EFCAB6: variants seen among roughly 807,000 people sequenced by gnomAD.
The protein encoded by EFCAB6 is EF-hand calcium binding domain 6, also known as EF-hand calcium-binding domain-containing protein 6.
A neutral mutation model predicts 169.8 loss-of-function variants in EFCAB6; 156 were observed. That is an observed-to-expected ratio of 0.92 (90% confidence interval 0.81 to 1.05). EFCAB6 has a LOEUF of 1.05. EFCAB6 is among the 50% of genes least tolerant of loss of function. EFCAB6 has a pLI of 0.00. For missense variants in EFCAB6, 1,800 were observed against 1,829.1 expected, an observed-to-expected ratio of 0.98 and a Z score of 0.29; for synonymous variants, 698 against 676.4, an observed-to-expected ratio of 1.03 and a Z score of -0.50.
At chr22:43,600,408 A>ATCAGCCCCGCCTGTGGGCCAGCGGC (rs1569227312) in intron 22 of EFCAB6, 145 bp from the exon 23 acceptor site, 2 of 780,934 alleles carry the variant, frequency 2.6e-6, no homozygotes, top group African/African-American at 3.5e-5. Context: ...GGGCCAGCGG[A>ATCAGCCCCGCCTGTGGGCCAGCGGC]ATCAGCCCCG....
At chr22:43,734,486 T>C (rs1296039505) in intron 7 of EFCAB6, among the ~76,000 whole-genome samples, 1 of 152,172 alleles carries the variant, frequency 6.6e-6, no homozygotes, top group Non-Finnish European at 1.5e-5. Context: ...AAACAGACAG[T>C]AACATTTTTT....
intron 23 of EFCAB6, among the ~76,000 whole-genome samples, chr22:43,595,118 A>C (rs561344060): frequency 6.6e-6 from 1 of 152,150 alleles, no homozygotes; most frequent in Non-Finnish European, 1.5e-5. Context: ...TATGGGATGC[A>C]GCAAAAGCAG....
intron 10 of EFCAB6, among the ~76,000 whole-genome samples, chr22:43,689,315 C>T (rs1449823155): frequency 6.7e-6 from 1 of 149,444 alleles, no homozygotes; most frequent in South Asian, 2.1e-4. Context: ...GTGAGCCACG[C>T]GAGGGAGAGT....
Position 43,811,390 on chromosome 22 carries a change from GAGAAA to G in EFCAB6, c.-145+773_-145+777del, listed in dbSNP as rs889809710. On this transcript the variant is annotated intron_variant, in intron 1 of 31. Coordinates refer to ENST00000262726, the MANE Select transcript of EFCAB6 (RefSeq NM_022785.4). Reference sequence around the variant, plus strand: ...GGAAGGGAAGGGAGGGGAGGGGAGGGAGAAAAGAAAAGAAAAGAAAAAAGAAAAGA... The same window carrying G: ...GGAAGGGAAGGGAGGGGAGGGGAGGGAGAAAAGAAAAGAAAAAAGAAAAGA... 2.7e-4 allele frequency among the ~76,000 whole-genome samples: 36 copies of G among 132,160 alleles called. No individual in the cohort carries two copies. The East Asian group carries it at 8.0e-3, about 29-fold the overall frequency. 86.7% of individuals were successfully genotyped at this position (132,160 alleles called of 152,430 possible).
At chr22:43,794,347 T>C (rs1318967584) in intron 2 of EFCAB6, among the ~76,000 whole-genome samples, 1 of 152,188 alleles carries the variant, frequency 6.6e-6, no homozygotes, top group Non-Finnish European at 1.5e-5. Context: ...GACACTATTA[T>C]CCATATTTTT....
chr22:43,543,192 C>G (rs1260257983), intron 27 of EFCAB6, among the ~76,000 whole-genome samples: 1 of 152,166 alleles, frequency 6.6e-6, no homozygotes, highest in Non-Finnish European at 1.5e-5. Flanking sequence ...AGCTCTCACC[C>G]CTGGCAAAGT....
At chr22:43,574,220 A>C (rs1281238230) in intron 26 of EFCAB6, among the ~76,000 whole-genome samples, 1 of 152,208 alleles carries the variant, frequency 6.6e-6, no homozygotes, top group Non-Finnish European at 1.5e-5. Flanking sequence ...GAAATCTTTA[A>C]GTGACAGGGT....
chr22:43,570,912 T>C (rs2049824744), intron 26 of EFCAB6, among the ~76,000 whole-genome samples: 1 of 152,158 alleles, frequency 6.6e-6, no homozygotes, highest in African/African-American at 2.4e-5. Context: ...TCCCCCACCA[T>C]GGAGCCCTGG....
intron 17 of EFCAB6, among the ~76,000 whole-genome samples, chr22:43,653,561 A>G (rs894024644): frequency 5.3e-5 from 8 of 152,224 alleles, no homozygotes; most frequent in Non-Finnish European, 1.2e-4. Flanking sequence ...GAAAAAAGAC[A>G]AACTGCAAAT....
intron 5 of EFCAB6, among the ~76,000 whole-genome samples, chr22:43,762,201 T>C (rs2061185156): frequency 6.6e-6 from 1 of 152,206 alleles, no homozygotes; most frequent in Non-Finnish European, 1.5e-5. Flanking sequence ...AGTGTTGAAA[T>C]AGGTGGTTTT....
At chr22:43,531,123 C>T (rs992085572) in intron 30 of EFCAB6, among the ~76,000 whole-genome samples, 159 bp from the exon 31 acceptor site, 1 of 152,194 alleles carries the variant, frequency 6.6e-6, no homozygotes, top group Non-Finnish European at 1.5e-5. Context: ...TGCCAGAACT[C>T]GTCACAAAGA....
rs553392368 is a variant in EFCAB6, at chr22:43,699,667, C to T, written c.1031+11808G>A. 8.5e-5 allele frequency among the ~76,000 whole-genome samples: 13 copies of T among 152,302 alleles called. No homozygotes were observed. The South Asian group carries it at 2.3e-3, about 27-fold the overall frequency. ...TTTCTCCTCGGGAGTCACACCCTCG[C>T]CTAACCCATAGCCCTGTTAACCACT... On this transcript the variant is annotated intron_variant, in intron 10 of 31. Coordinates refer to ENST00000262726, the MANE Select transcript of EFCAB6 (RefSeq NM_022785.4).
intron 26 of EFCAB6, among the ~76,000 whole-genome samples, chr22:43,555,419 G>A (rs1053831374): frequency 4.6e-5 from 7 of 152,336 alleles, no homozygotes; most frequent in Middle Eastern, 3.4e-3. Flanking sequence ...ATGCCTTCAG[G>A]CTGTCTTTGG....
chr22:43,795,045 C>T lies in EFCAB6; in HGVS notation c.-7-12720G>A, dbSNP rs1244400720. Among the ~76,000 whole-genome samples the T allele has an allele frequency of 6.6e-6, 1 of 152,140 alleles. No homozygotes were observed. Among genetic ancestry groups the T allele is most frequent in the African/African-American group, 2.4e-5 (1 of 41,404 alleles). On this transcript the variant is annotated intron_variant, in intron 2 of 31. Coordinates refer to ENST00000262726, the MANE Select transcript of EFCAB6 (RefSeq NM_022785.4). The surrounding 1 kb of genome is among the most constrained non-coding windows in gnomAD (Gnocchi z 4.2). Reference sequence around the variant, plus strand: ...GGAGCTCCCCAGGCCCTGTACAGCCCCTTGCCCTGCCCGAACCTCATCGTC... The same window carrying T: ...GGAGCTCCCCAGGCCCTGTACAGCCTCTTGCCCTGCCCGAACCTCATCGTC...
At chr22:43,542,819 C>A (rs1008246625) in intron 27 of EFCAB6, among the ~76,000 whole-genome samples, 3 of 152,122 alleles carry the variant, frequency 2.0e-5, no homozygotes, top group Admixed American at 2.0e-4. Flanking sequence ...ACTAGGGAGA[C>A]TGGATTCTGA....
chr22:43,773,221 T>A, intron 3 of EFCAB6, 118 bp from the exon 4 acceptor site: 1 of 985,170 alleles, frequency 1.0e-6, no homozygotes, highest in Non-Finnish European at 1.5e-6. Context: ...TCCCACCATA[T>A]CTAGGTTTAC....
intron 20 of EFCAB6, among the ~76,000 whole-genome samples, chr22:43,625,257 C>T (rs926439667): frequency 2.0e-5 from 3 of 152,050 alleles, no homozygotes; most frequent in Non-Finnish European, 2.9e-5. Context: ...TAGGTAGATG[C>T]GATACCTGTC....
At chr22:43,611,833 C>T (rs977304140) in intron 21 of EFCAB6, among the ~76,000 whole-genome samples, 6 of 151,948 alleles carry the variant, frequency 3.9e-5, no homozygotes, top group Non-Finnish European at 7.4e-5. Flanking sequence ...TCATATGGAA[C>T]CAAAAAGAGT....
chr22:43,785,620 T>A (rs1429363272), intron 2 of EFCAB6, among the ~76,000 whole-genome samples: 5 of 152,170 alleles, frequency 3.3e-5, no homozygotes, highest in Middle Eastern at 3.4e-3. Flanking sequence ...AAGAGTAAAC[T>A]AAAGCCAAAG....
Sources: allele counts gnomAD v4.1 joint callset (sites outside exome capture counted in the v4.1 genomes callset), GRCh38; gene constraint gnomAD v4.1.1; non-coding constraint Gnocchi (gnomAD v3.1); transcripts MANE v1.5; gene names NCBI Gene and HGNC (gene_info 2026-07-23, HGNC 2026-07-21).